GSTM4: variants seen among roughly 807,000 people sequenced by gnomAD.
GSTM4 encodes the protein GST class-mu 4.
A neutral mutation model predicts 30.1 loss-of-function variants in GSTM4; 27 were observed. The ratio of observed to expected loss-of-function variants is 0.90; its 90% CI spans 0.66 to 1.24. The LOEUF is 1.24. Ranked by LOEUF, GSTM4 falls within the 50% of genes most tolerant of loss-of-function variation. The pLI, the probability that GSTM4 is intolerant of heterozygous loss-of-function variation, is 0.00. For synonymous variants in GSTM4, 94 were observed against 96.2 expected (o/e 0.98, Z 0.13); for missense variants, 238 against 272.1 (o/e 0.87, Z 0.88).
In GSTM4 at chr1:109,657,889, T is replaced by G. The variant is rs986026484; in HGVS notation, c.360+17T>G. On this transcript the variant is annotated intron_variant, in intron 5 of 7. Transcript: ENST00000369836. ...CCTGACTTTGTGAGTCCCTCCCTGG[T>G]CTGGACCAGAAGCCAGGCTTGTATT... 4 of 1,607,702 alleles carry G rather than the reference T, an allele frequency of 2.5e-6. No individual in the cohort carries two copies. The highest frequency in any genetic ancestry group is 3.4e-6 in the Non-Finnish European group (4 of 1,174,272).
chr1:109,666,434 G>A (rs1337175650), downstream of GSTM4, among the ~76,000 whole-genome samples: 1 of 152,182 alleles, frequency 6.6e-6, no homozygotes, highest in Non-Finnish European at 1.5e-5. Context: ...AGAGCTGCAG[G>A]GTAGGCCTGC....
At chr1:109,665,314 T>A, downstream of GSTM4, 1 of 519,110 alleles carries the variant, frequency 1.9e-6, no homozygotes, top group East Asian at 3.2e-5. Flanking sequence ...GATCAGGGAC[T>A]AACACCATCG....
intron 7 of GSTM4, chr1:109,660,702 A>G (rs1439536642): frequency 1.1e-5 from 2 of 179,008 alleles, no homozygotes; most frequent in African/African-American, 4.8e-5. Flanking sequence ...CTCCTGAGGG[A>G]TTTGGGGGAG....
chr1:109,661,306 C>G lies in GSTM4; in HGVS notation c.*52C>G, dbSNP rs375343237. 6.8e-6 allele frequency: 11 copies of G among 1,612,032 alleles called. No homozygotes were observed. In the South Asian group the frequency reaches 1.1e-4, roughly 16 times the overall value. ...GAGGAGCCCATACTCAGCCTGCTGC[C>G]CAGGCTGTGCAGCGCAGCTGGACTC... On this transcript the variant is annotated 3_prime_UTR_variant, in exon 8 of 8. Transcript: ENST00000369836.
In GSTM4 at chr1:109,657,641, C is replaced by T. The variant is rs17081030; in HGVS notation, c.229C>T (p.Leu77=). Residue 77 remains leucine (L), a synonymous_variant, in exon 4 of 8, where the codon CTG becomes TTG. Transcript: ENST00000369836. ...AHKITQSNAI[L]CYIARKHNLC... ...CAAGATCACCCAGAGCAACGCCATC[C>T]TGTGCTACATTGCCCGCAAGCACAA... 5.0e-6 allele frequency: 8 copies of T among 1,614,106 alleles called. No individual in the cohort carries two copies. Among genetic ancestry groups the T allele is most frequent in the African/African-American group, 4.0e-5 (3 of 74,926 alleles).
rs1057007159 is a variant in GSTM4 at position 109,658,920 on chromosome 1, C to T, written c.456+11C>T. 2 of 1,610,942 alleles carry T rather than the reference C, an allele frequency of 1.2e-6. No homozygotes were observed. Among genetic ancestry groups the T allele is most frequent in the African/African-American group, 1.3e-5 (1 of 74,972 alleles). On this transcript the variant is annotated intron_variant, in intron 6 of 7. Transcript: ENST00000369836. Reference sequence around the variant, plus strand: ...TTTGTTGGAGACAAGGTAATGGGGGCATGTGATGAGGACACTAGAGATTTG... The same window carrying T: ...TTTGTTGGAGACAAGGTAATGGGGGTATGTGATGAGGACACTAGAGATTTG...
At chr1:109,658,787 G>T in intron 5 of GSTM4, 27 bp from the exon 6 acceptor site, 1 of 1,527,756 alleles carries the variant, frequency 6.5e-7, no homozygotes, top group Non-Finnish European at 9.1e-7. Context: ...TGTGTCTGAG[G>T]GTGGTGACAG....
At chr1:109,663,347 A>G (rs909184677), downstream of GSTM4, among the ~76,000 whole-genome samples, 1 of 152,196 alleles carries the variant, frequency 6.6e-6, no homozygotes, top group Admixed American at 6.5e-5. Flanking sequence ...CTTAAGGCCT[A>G]TGCACTGTAT....
rs757180697 is a variant in GSTM4 at position 109,657,860 on chromosome 1, C to T, written c.348C>T (p.Tyr116=). 9 of 1,614,086 alleles carry T rather than the reference C, an allele frequency of 5.6e-6. No homozygotes were observed. The highest frequency in any genetic ancestry group is 1.3e-5 in the African/African-American group (1 of 75,056). The change falls in exon 5 of 8, where the codon TAC becomes TAT. Residue 116 remains tyrosine (Y), a synonymous_variant. Coordinates refer to ENST00000369836, the MANE Select transcript of GSTM4 (RefSeq NM_000850.5). ...CCAATCAGCTGGCCAGAGTCTGCTA[C>T]AGCCCTGACTTTGTGAGTCCCTCCC... ...DVSNQLARVC[Y]SPDFEKLKPE...
chr1:109,658,981 C>T lies in GSTM4; in HGVS notation c.457-19C>T, dbSNP rs1652168846. ...TACGTTACAGAGATTCCAGCCCACACATTCTTGGCCTTCTGCAGATCACCT... is the reference window on the plus strand; with the variant it reads ...TACGTTACAGAGATTCCAGCCCACATATTCTTGGCCTTCTGCAGATCACCT... On this transcript the variant is annotated intron_variant, in intron 6 of 7. Transcript: ENST00000369836. The T allele has an allele frequency of 2.5e-6, 4 of 1,613,596 alleles. No individual in the cohort carries two copies. The highest frequency in any genetic ancestry group is 1.3e-5 in the African/African-American group (1 of 75,060).
At chr1:109,659,250 C>G (rs1266589628) in intron 7 of GSTM4, 140 bp downstream of exon 7, 7 of 1,610,578 alleles carry the variant, frequency 4.3e-6, no homozygotes, top group Non-Finnish European at 5.9e-6. Flanking sequence ...TTGCCCAGCA[C>G]ATTATACCTA....
chr1:109,666,073 C>T (rs146299492), downstream of GSTM4, among the ~76,000 whole-genome samples: 2 of 152,248 alleles, frequency 1.3e-5, no homozygotes, highest in African/African-American at 4.8e-5. Flanking sequence ...AGGTAGATAC[C>T]TTCTTTTTAA....
Position 109,661,595 on chromosome 1 carries a change from G to C in GSTM4, c.*341G>C. ...CCCCTCGCCTGTGGAGCTCAGCCCTGAGCTGTCCCCGTGTTGCATGACAGC... is the reference window on the plus strand; with the variant it reads ...CCCCTCGCCTGTGGAGCTCAGCCCTCAGCTGTCCCCGTGTTGCATGACAGC... On this transcript the variant is annotated 3_prime_UTR_variant, in exon 8 of 8. Transcript: ENST00000369836. 1 of 1,252,260 alleles carries C rather than the reference G, an allele frequency of 8.0e-7. No homozygotes were observed. The highest frequency in any genetic ancestry group is 1.0e-6 in the Non-Finnish European group (1 of 987,456). The allele number at this position is 1,252,260 out of a possible 1,614,324, so 77.6% of individuals were successfully genotyped here.
rs762151698 is a variant in GSTM4, at chr1:109,659,028, A to T, written c.485A>T (p.Asp162Val). Residue 162 changes from aspartate to valine, a missense_variant, in exon 7 of 8, where the codon GAT becomes GTT. By Grantham distance (152) the Asp-to-Val change is radical. Transcript: ENST00000369836. ...ACCTTTGTAGATTTCCTCGCCTATG[A>T]TGTCCTTGACCTCCACCGTATATTT... Reference protein sequence around the residue: ...KITFVDFLAYDVLDLHRIFEP... With the variant: ...KITFVDFLAYVVLDLHRIFEP... 3 of 1,614,034 alleles carry T rather than the reference A, an allele frequency of 1.9e-6. No individual in the cohort carries two copies. The highest frequency in any genetic ancestry group is 8.5e-7 in the Non-Finnish European group (1 of 1,180,030).
downstream of GSTM4, among the ~76,000 whole-genome samples, chr1:109,662,005 T>A (rs1231119595): frequency 6.6e-6 from 1 of 152,014 alleles, no homozygotes; most frequent in Non-Finnish European, 1.5e-5. Context: ...TTAAAAAAAT[T>A]TTTGTAGAGA....
intron 7 of GSTM4, 50 bp downstream of exon 7, chr1:109,659,160 C>A (rs535302577): frequency 6.2e-7 from 1 of 1,614,110 alleles, no homozygotes; most frequent in Non-Finnish European, 8.5e-7. Flanking sequence ...TCCGTTACCT[C>A]CTTTCAGATG....
At chr1:109,657,331 C>G (rs1189786994) in intron 3 of GSTM4, 52 bp downstream of exon 3, 22 of 1,594,728 alleles carry the variant, frequency 1.4e-5, no homozygotes, top group Non-Finnish European at 1.9e-5. Context: ...GTGTCTCTGA[C>G]TGCATCTCCT....
chr1:109,666,593 C>T (rs1430834978), downstream of GSTM4, among the ~76,000 whole-genome samples: 1 of 152,244 alleles, frequency 6.6e-6, no homozygotes, highest in Non-Finnish European at 1.5e-5. Context: ...AGGGACTGTG[C>T]CAGCTGAGAT....
In GSTM4 at chr1:109,656,387, A is replaced by C; in HGVS notation, c.-3A>C. 1.2e-6 allele frequency: 2 copies of C among 1,613,222 alleles called. No individual in the cohort carries two copies. Among genetic ancestry groups the C allele is most frequent in the African/African-American group, 2.7e-5 (2 of 75,010 alleles). ...GTCTGCAGAATCGACACCAACCAGC[A>C]TCATGTCCATGACACTGGGGTACTG... On this transcript the variant is annotated 5_prime_UTR_variant, in exon 1 of 8. Transcript: ENST00000369836.
Sources: allele counts gnomAD v4.1 joint callset (sites outside exome capture counted in the v4.1 genomes callset), GRCh38; gene constraint gnomAD v4.1.1; transcripts MANE v1.5; gene names NCBI Gene and HGNC (gene_info 2026-07-23, HGNC 2026-07-21).